INTS6L: variants seen among roughly 807,000 people sequenced by gnomAD.
INTS6L encodes the protein integrator complex subunit 6-like.
In INTS6L, 18 loss-of-function variants were observed where a neutral mutation model predicts 64.7. The ratio of observed to expected loss-of-function variants is 0.28; its 90% CI spans 0.19 to 0.41. INTS6L has a LOEUF of 0.41. Among genes scored for constraint, INTS6L ranks in the 10% least tolerant of loss-of-function variants. INTS6L has a pLI of 1.00. For missense variants in INTS6L, 533 were observed against 661.0 expected, an observed-to-expected ratio of 0.81 and a Z score of 2.12; for synonymous variants, 227 against 235.9, an observed-to-expected ratio of 0.96 and a Z score of 0.34.
intron 2 of INTS6L, among the ~76,000 whole-genome samples, chrX:135,537,672 A>C (rs187258313): frequency 8.0e-5 from 9 of 111,961 alleles, no homozygotes; most frequent in Non-Finnish European, 1.7e-4. Context: ...TGTCAGGGAA[A>C]GTAGGCTTAA....
Position 135,579,918 on chromosome X carries a change from A to T in INTS6L, c.2250A>T (p.Gln750His). The T allele has an allele frequency of 8.3e-7, 1 of 1,211,753 alleles. No homozygotes were observed. The highest frequency in any genetic ancestry group is 1.7e-5 in the African/African-American group (1 of 57,805). Residue 750 changes from glutamine (Q) to histidine (H), a missense_variant, in exon 16 of 18, where the codon CAA becomes CAT. Transcript: ENST00000639893. ...CAGGAGATCTTATGCCACCCAACCA[A>T]GTGGATTCTCTGTCTGACGACTTCA... The part of the protein sequence containing the change: ...NMTGDLMPPN[Q>H]VDSLSDDFTS...
intron 2 of INTS6L, among the ~76,000 whole-genome samples, chrX:135,524,223 A>AT (rs781999324): frequency 1.4e-4 from 15 of 110,198 alleles, no homozygotes; most frequent in South Asian, 3.7e-4. Flanking sequence ...ACATCTGGTG[A>AT]TTTTTTTTTC....
At chrX:135,521,882 T>C (rs1460199185) in intron 2 of INTS6L, among the ~76,000 whole-genome samples, 1 of 106,977 alleles carries the variant, frequency 9.3e-6, no homozygotes, top group Non-Finnish European at 2.0e-5. Flanking sequence ...TCCCCCTCCT[T>C]GGGCTCTTCG....
chrX:135,538,103 A>G (rs782693927), intron 2 of INTS6L, among the ~76,000 whole-genome samples: 154 of 112,076 alleles, frequency 1.4e-3, no homozygotes, highest in African/African-American at 4.8e-3. Flanking sequence ...TATGAACTTT[A>G]CCGCATCGGT....
rs189647116 is a variant in INTS6L at position 135,562,181 on chromosome X, C to T, written c.1192+5881C>T. Among the ~76,000 whole-genome samples the T allele has an allele frequency of 7.1e-4, 79 of 111,250 alleles. 1 individual carries two copies. The highest frequency in any genetic ancestry group is 2.3e-3 in the African/African-American group (71 of 30,671). ...TCTCAGCGCTAATTTAGCTGCTTTC[C>T]GCAAATTTTACATGTTGTCCTTCAT... On this transcript the variant is annotated intron_variant, in intron 9 of 17. Transcript: ENST00000639893.
At chrX:135,548,484 T>C (rs2086417685) in intron 6 of INTS6L, among the ~76,000 whole-genome samples, 1 of 111,886 alleles carries the variant, frequency 8.9e-6, no homozygotes, top group African/African-American at 3.3e-5. Context: ...GCTCACTATC[T>C]TAGCATAAAC....
intron 7 of INTS6L, among the ~76,000 whole-genome samples, chrX:135,550,355 A>G: frequency 9.0e-6 from 1 of 110,690 alleles, no homozygotes; most frequent in East Asian, 2.8e-4. Context: ...CTAAGCAAGG[A>G]CTTGTCTTTT....
chrX:135,550,814 C>T (rs1384570988), intron 7 of INTS6L, among the ~76,000 whole-genome samples: 2 of 111,623 alleles, frequency 1.8e-5, no homozygotes, highest in African/African-American at 6.5e-5. Flanking sequence ...CAAGGTGTTA[C>T]ACCTGTGAAA....
At chrX:135,528,171 A>C (rs1353256866) in intron 2 of INTS6L, among the ~76,000 whole-genome samples, 2 of 110,894 alleles carry the variant, frequency 1.8e-5, no homozygotes, top group Non-Finnish European at 3.8e-5. Context: ...TAAATGAGAG[A>C]CCCAGGCAGT....
At chrX:135,540,590 C>T (rs1347698283) in intron 2 of INTS6L, among the ~76,000 whole-genome samples, 1 of 111,161 alleles carries the variant, frequency 9.0e-6, no homozygotes, top group Non-Finnish European at 1.9e-5. Context: ...CCTTTGGCCT[C>T]ATGCTCTATC....
intron 9 of INTS6L, among the ~76,000 whole-genome samples, chrX:135,561,715 G>T (rs375337614): frequency 8.9e-6 from 1 of 112,120 alleles, no homozygotes. Flanking sequence ...TAGTTATAGG[G>T]TTATTCAAAT....
chrX:135,540,587 C>T (rs1201565890), intron 2 of INTS6L, among the ~76,000 whole-genome samples: 2 of 111,042 alleles, frequency 1.8e-5, no homozygotes, highest in Non-Finnish European at 3.8e-5. Flanking sequence ...TATCCTTTGG[C>T]CTCATGCTCT....
At chrX:135,546,334 C>T in intron 3 of INTS6L, 46 bp from the exon 4 acceptor site, 1 of 819,258 alleles carries the variant, frequency 1.2e-6, no homozygotes, top group Non-Finnish European at 1.7e-6. Flanking sequence ...TTTAAATATA[C>T]TTTTATTACT....
chrX:135,550,025 C>A (rs187602143), intron 7 of INTS6L, among the ~76,000 whole-genome samples: 15 of 112,444 alleles, frequency 1.3e-4, no homozygotes, highest in African/African-American at 4.8e-4. Flanking sequence ...CAGTTGCCTT[C>A]GCCACTTGAG....
At position 135,546,433 on chromosome X, in the gene INTS6L, A is replaced by G; in HGVS notation, c.393A>G (p.Gly131=). The change falls in exon 4 of 18, where the codon GGA becomes GGG. Residue 131 remains glycine (G), a synonymous_variant. Transcript: ENST00000639893. ...CTATTTTAATTACCATCACAGATGGAAACAAGTTAACAAGTACTGCTGGTG... is the reference window on the plus strand; with the variant it reads ...CTATTTTAATTACCATCACAGATGGGAACAAGTTAACAAGTACTGCTGGTG... ...EPSILITITD[G]NKLTSTAGVQ... 1 of 1,176,904 alleles carries G rather than the reference A, an allele frequency of 8.5e-7. No individual in the cohort carries two copies. Among genetic ancestry groups the G allele is most frequent in the Non-Finnish European group, 1.1e-6 (1 of 883,159 alleles).
chrX:135,578,148 C>T (rs1356590689), intron 15 of INTS6L, among the ~76,000 whole-genome samples: 1 of 111,857 alleles, frequency 8.9e-6, no homozygotes, highest in African/African-American at 3.3e-5. Context: ...CCTGGTACCT[C>T]TCCTGTCCTT....
At chrX:135,568,750 T>C (rs1556526051) in intron 9 of INTS6L, among the ~76,000 whole-genome samples, 1 of 110,470 alleles carries the variant, frequency 9.1e-6, no homozygotes, top group Non-Finnish European at 1.9e-5. Context: ...CTCATTATGT[T>C]GCCCAGGCTG....
chrX:135,563,331 T>TTA (rs1324211833), intron 9 of INTS6L, among the ~76,000 whole-genome samples: 3 of 110,910 alleles, frequency 2.7e-5, no homozygotes, highest in African/African-American at 9.8e-5. Flanking sequence ...TGAGGCAGTG[T>TTA]TATAACTTTC....
chrX:135,540,339 G>A (rs1200039097), intron 2 of INTS6L, among the ~76,000 whole-genome samples: 2 of 111,956 alleles, frequency 1.8e-5, no homozygotes, highest in Non-Finnish European at 3.8e-5. Context: ...TGGTTGTGAG[G>A]TTCATGTAAG....
Sources: allele counts gnomAD v4.1 joint callset (sites outside exome capture counted in the v4.1 genomes callset), GRCh38; gene constraint gnomAD v4.1.1; transcripts MANE v1.5; gene names NCBI Gene and HGNC (gene_info 2026-07-23, HGNC 2026-07-21).